The following LRRC7 variants were observed in gnomAD, a reference collection of about 807,000 sequenced individuals.
LRRC7 encodes the protein leucine-rich repeat-containing protein 7.
A neutral mutation model predicts 175.7 loss-of-function variants in LRRC7; 23 were observed. The observed-to-expected ratio is 0.13, with a 90% confidence interval of 0.09 to 0.19. The LOEUF is 0.19. Among genes scored for constraint, LRRC7 ranks in the 10% least tolerant of loss-of-function variants. The probability of loss-of-function intolerance (pLI) is 1.00; values close to 1 mark genes in which losing one functional copy is unlikely to be tolerated. For synonymous variants in LRRC7, 685 were observed against 680.9 expected (o/e 1.01, Z -0.09); for missense variants, 1,354 against 1,904.7 (o/e 0.71, Z 5.38).
chr1:69,717,816 A>G (rs542091187), intron 2 of LRRC7, among the ~76,000 whole-genome samples: 10 of 51,006 alleles, frequency 2.0e-4, no homozygotes, highest in Non-Finnish European at 2.9e-4. Context: ...GAAAGAAAGA[A>G]AGAAAGAAAG....
rs180739481 is a variant in LRRC7 at position 69,912,543 on chromosome 1, G to C, written c.648-18964G>C. Among the ~76,000 whole-genome samples the C allele has an allele frequency of 2.3e-3, 354 of 152,294 alleles. 1 individual carries two copies. The highest frequency in any genetic ancestry group is 4.7e-3 in the Admixed American group (72 of 15,288). On this transcript the variant is annotated intron_variant, in intron 7 of 26. Transcript: ENST00000651989. ...TTCTAGGACCTTCAGCTCTGACAGAGTAGCCCCCCACCCTCAGAAATAATG... is the reference window on the plus strand; with the variant it reads ...TTCTAGGACCTTCAGCTCTGACAGACTAGCCCCCCACCCTCAGAAATAATG...
intron 2 of LRRC7, among the ~76,000 whole-genome samples, chr1:69,759,062 C>A (rs560543463): frequency 2.6e-5 from 4 of 152,006 alleles, no homozygotes; most frequent in African/African-American, 9.6e-5. Context: ...ATAGCCCACA[C>A]AATTAGGAAA....
chr1:70,023,291 G>A lies in LRRC7; in HGVS notation c.1711G>A (p.Gly571Ser), dbSNP rs2101980886. Residue 571 changes from glycine (G) to serine (S), a missense_variant, in exon 17 of 27, where the codon GGC (glycine) becomes AGC (serine). Around this residue, in one of 4 missense-constraint regions of LRRC7, gnomAD observed 1,032 missense variants for 1,227.2 expected, o/e 0.84. Transcript: ENST00000651989. ...ACAGCTGGCATGGGGTTGTATAAGT[G>A]GCCTCCAGCAGGAAAGGAGCATGTG... Reference protein sequence around the residue: ...DPQLAWGCISGLQQERSMCTP... With the variant: ...DPQLAWGCISSLQQERSMCTP... 4 of 1,613,512 alleles carry A rather than the reference G, an allele frequency of 2.5e-6. No homozygotes were observed. Among genetic ancestry groups the A allele is most frequent in the Non-Finnish European group, 3.4e-6 (4 of 1,179,648 alleles).
chr1:69,816,581 A>G lies in LRRC7; in HGVS notation c.422-9167A>G, dbSNP rs1478313062. ...TGAAAAAGGTGTTGAAACATTTTTG[A>G]CAGTGTCCTTGTTTCACAGTTGGCA... On this transcript the variant is annotated intron_variant, in intron 4 of 26. Coordinates refer to ENST00000651989, the MANE Select transcript of LRRC7 (RefSeq NM_001370785.2). 7.2e-5 allele frequency among the ~76,000 whole-genome samples: 11 copies of G among 152,324 alleles called. No individual in the cohort carries two copies. The East Asian group carries it at 1.3e-3, about 19-fold the overall frequency.
chr1:69,756,492 A>C (rs982034374), intron 2 of LRRC7, among the ~76,000 whole-genome samples: 2 of 151,884 alleles, frequency 1.3e-5, no homozygotes, highest in Non-Finnish European at 2.9e-5. Context: ...AGAGTGAGGA[A>C]AAATAAAATT....
intron 1 of LRRC7, among the ~76,000 whole-genome samples, chr1:69,577,096 C>A (rs1241758724): frequency 6.6e-6 from 1 of 151,828 alleles, no homozygotes; most frequent in Non-Finnish European, 1.5e-5. Context: ...GAAACTCAAA[C>A]ACAGTAGACA....
rs550787212 is a variant in LRRC7, at chr1:70,039,223, G to C, written c.3399G>C (p.Glu1133Asp). 3.1e-6 allele frequency: 5 copies of C among 1,613,972 alleles called. No individual in the cohort carries two copies. The East Asian group carries it at 8.9e-5, about 29-fold the overall frequency. The change falls in exon 21 of 27, where the codon GAG becomes GAC. Residue 1133 changes from glutamate (E) to aspartate (D), a missense_variant. Around this residue, in one of 4 missense-constraint regions of LRRC7, gnomAD observed 1,032 missense variants for 1,227.2 expected, o/e 0.84. Transcript: ENST00000651989. ...CATTTTCTCAGCCATCTGTGAATGA[G>C]GATGCTGTGGTGAATGCCCAGTTCG... is the stretch of plus-strand genomic sequence containing the variant. ...MFSFSQPSVN[E>D]DAVVNAQFAS...
intron 8 of LRRC7, among the ~76,000 whole-genome samples, chr1:69,945,959 G>C (rs1649266970): frequency 6.6e-6 from 1 of 152,050 alleles, no homozygotes; most frequent in African/African-American, 2.4e-5. Flanking sequence ...CTATTTGCAT[G>C]CCTATTTCTT....
chr1:69,951,964 ATAGT>A (rs1649986044), intron 8 of LRRC7, among the ~76,000 whole-genome samples: 1 of 152,030 alleles, frequency 6.6e-6, no homozygotes, highest in Non-Finnish European at 1.5e-5. Context: ...TAAATAAAAG[ATAGT>A]TAGAAATATA....
At chr1:69,776,288 A>C in intron 3 of LRRC7, among the ~76,000 whole-genome samples, 1 of 152,202 alleles carries the variant, frequency 6.6e-6, no homozygotes, top group East Asian at 1.9e-4. Flanking sequence ...TCTGCAAAAC[A>C]TAACCTTTCA....
In LRRC7 at chr1:69,811,395, T is replaced by C. The variant is rs148986772; in HGVS notation, c.422-14353T>C. ...CAAGCATCTAAAACCAGAAATACCATTTGACCCAGCAATCTCATTACTGGG... is the reference window on the plus strand; with the variant it reads ...CAAGCATCTAAAACCAGAAATACCACTTGACCCAGCAATCTCATTACTGGG... On this transcript the variant is annotated intron_variant, in intron 4 of 26. Transcript: ENST00000651989. Among the ~76,000 whole-genome samples the C allele has an allele frequency of 3.2e-3, 485 of 152,268 alleles. 5 individuals carry two copies. Among genetic ancestry groups the C allele is most frequent in the African/African-American group, 0.011 (446 of 41,552 alleles).
At chr1:69,596,530 G>A (rs543862133) in intron 1 of LRRC7, among the ~76,000 whole-genome samples, 3 of 152,256 alleles carry the variant, frequency 2.0e-5, no homozygotes, top group South Asian at 2.1e-4. Context: ...TAGTATCCAC[G>A]GAAGTGTCGC....
intron 2 of LRRC7, among the ~76,000 whole-genome samples, chr1:69,706,394 A>G (rs1664044215): frequency 6.6e-6 from 1 of 152,108 alleles, no homozygotes. Flanking sequence ...TTCGTCACTT[A>G]CACCCAACCT....
chr1:69,856,663 C>A (rs543702648), intron 7 of LRRC7, among the ~76,000 whole-genome samples: 1 of 152,302 alleles, frequency 6.6e-6, no homozygotes, highest in African/African-American at 2.4e-5. Flanking sequence ...GACGGATTCA[C>A]AGCTGAATTC....
At chr1:69,983,029 A>T (rs1653590013) in intron 9 of LRRC7, among the ~76,000 whole-genome samples, 1 of 152,240 alleles carries the variant, frequency 6.6e-6, no homozygotes, top group African/African-American at 2.4e-5. Flanking sequence ...TTTTCTCATG[A>T]TATCTCATGA....
At chr1:69,827,316 G>A (rs1680029529) in intron 5 of LRRC7, among the ~76,000 whole-genome samples, 1 of 152,072 alleles carries the variant, frequency 6.6e-6, no homozygotes, top group African/African-American at 2.4e-5. Context: ...TTTGGGAGTG[G>A]CAGCCAGATT....
rs1473506751 is a variant in LRRC7, at chr1:70,130,819, G to A, written c.*8932G>A. Among the ~76,000 whole-genome samples, 1 of 152,164 alleles carries A rather than the reference G, an allele frequency of 6.6e-6. No homozygotes were observed. The highest frequency in any genetic ancestry group is 1.5e-5 in the Non-Finnish European group (1 of 68,042). The stretch of plus-strand genomic sequence containing the variant: ...ATAAAAGATGTCATGAGAGAGACGA[G>A]GCTACGGAAGTGTAGTTGAGAGAAA... On this transcript the variant is annotated 3_prime_UTR_variant, in exon 27 of 27. Coordinates refer to ENST00000651989, the MANE Select transcript of LRRC7 (RefSeq NM_001370785.2).
Position 69,926,969 on chromosome 1 carries a change from T to C in LRRC7, c.648-4538T>C, listed in dbSNP as rs1337768559. 3.3e-5 allele frequency among the ~76,000 whole-genome samples: 5 copies of C among 152,226 alleles called. No homozygotes were observed. The South Asian group carries it at 1.0e-3, about 32-fold the overall frequency. ...ACCGGTTGTTCCTTTCCATGTTTAA[T>C]GCTTCCTTCAGGAGGTCTTTTAGGA... is the stretch of plus-strand genomic sequence containing the variant. On this transcript the variant is annotated intron_variant, in intron 7 of 26. Transcript: ENST00000651989.
intron 23 of LRRC7, among the ~76,000 whole-genome samples, chr1:70,067,153 A>G (rs1257926281): frequency 3.3e-5 from 5 of 151,980 alleles, no homozygotes; most frequent in African/African-American, 1.2e-4. Context: ...ATTGAGCTTG[A>G]GAGTTGAGAG....
Sources: allele counts gnomAD v4.1 joint callset (sites outside exome capture counted in the v4.1 genomes callset), GRCh38; gene constraint gnomAD v4.1.1; regional missense constraint gnomAD v4.1.1; transcripts MANE v1.5; gene names NCBI Gene and HGNC (gene_info 2026-07-23, HGNC 2026-07-21).